HECW1: variants seen among roughly 807,000 people sequenced by gnomAD.
HECW1 encodes HECT, C2 and WW domain containing E3 ubiquitin protein ligase 1.
HECW1 carries 61 observed loss-of-function variants against 182.3 expected under a neutral mutation model. The ratio of observed to expected loss-of-function variants is 0.33; its 90% CI spans 0.27 to 0.41. The LOEUF is 0.41. Among genes scored for constraint, HECW1 ranks in the 10% least tolerant of loss-of-function variants. HECW1 has a pLI of 1.00. For missense variants in HECW1, 1,739 were observed against 2,108.9 expected (o/e 0.82, Z 3.44); for synonymous variants, 859 against 832.6 (o/e 1.03, Z -0.55).
chr7:43,431,195 T>C (rs777395463), intron 8 of HECW1, among the ~76,000 whole-genome samples: 8 of 152,230 alleles, frequency 5.3e-5, no homozygotes, highest in Middle Eastern at 3.2e-3. Context: ...ACATTCACCA[T>C]GAGCCATCTA....
chr7:43,302,849 A>C (rs552904498), intron 3 of HECW1, among the ~76,000 whole-genome samples: 1 of 152,314 alleles, frequency 6.6e-6, no homozygotes, highest in African/African-American at 2.4e-5. Flanking sequence ...AACATTGAGA[A>C]GGGAAAAATG....
intron 3 of HECW1, among the ~76,000 whole-genome samples, chr7:43,276,075 C>G (rs1803105101): frequency 6.6e-6 from 1 of 152,210 alleles, no homozygotes; most frequent in African/African-American, 2.4e-5. Context: ...TGGCTCTGCT[C>G]TGGTTCCTGT....
intron 3 of HECW1, among the ~76,000 whole-genome samples, chr7:43,274,991 G>A (rs867963794): frequency 6.6e-6 from 1 of 152,310 alleles, no homozygotes; most frequent in African/African-American, 2.4e-5. Flanking sequence ...GTGTCCAGGG[G>A]TCTCTACGTG....
chr7:43,245,879 C>T (rs1335767558), intron 3 of HECW1: 1 of 152,196 alleles, frequency 6.6e-6, no homozygotes, highest in Non-Finnish European at 1.5e-5. Context: ...GCACCTTACT[C>T]AGTAAAGGGA....
chr7:43,205,022 A>G (rs1795333197), intron 2 of HECW1, among the ~76,000 whole-genome samples: 1 of 152,206 alleles, frequency 6.6e-6, no homozygotes, highest in African/African-American at 2.4e-5. Flanking sequence ...CAAGCTTTCT[A>G]AAGTAAATGC....
At chr7:43,484,898 T>G (rs1223296471) in intron 17 of HECW1, among the ~76,000 whole-genome samples, 2 of 152,180 alleles carry the variant, frequency 1.3e-5, no homozygotes, top group Non-Finnish European at 2.9e-5. Context: ...AGGTCACAGA[T>G]AAGTGGAGTG....
At chr7:43,435,853 T>C (rs890559489) in intron 8 of HECW1, among the ~76,000 whole-genome samples, 4 of 152,112 alleles carry the variant, frequency 2.6e-5, no homozygotes, top group African/African-American at 9.7e-5. Flanking sequence ...TCTCTGTAAA[T>C]AGAAATCAAC....
chr7:43,142,599 C>T (rs1464349213), intron 2 of HECW1, among the ~76,000 whole-genome samples: 1 of 152,170 alleles, frequency 6.6e-6, no homozygotes, highest in African/African-American at 2.4e-5. Flanking sequence ...CATCTCTTTG[C>T]CCACAGGCCT....
At chr7:43,229,807 C>G (rs1221642046) in intron 2 of HECW1, among the ~76,000 whole-genome samples, 1 of 152,204 alleles carries the variant, frequency 6.6e-6, no homozygotes, top group Non-Finnish European at 1.5e-5. Context: ...AAAATAGTGA[C>G]TTTACAGTGG....
chr7:43,359,337 T>C (rs1815574004), intron 5 of HECW1, among the ~76,000 whole-genome samples: 1 of 152,168 alleles, frequency 6.6e-6, no homozygotes, highest in Admixed American at 6.5e-5. Flanking sequence ...GAGATTCTGT[T>C]ATTAAGGAGG....
intron 2 of HECW1, among the ~76,000 whole-genome samples, chr7:43,197,866 G>T (rs1001674472): frequency 3.9e-5 from 6 of 152,008 alleles, no homozygotes; most frequent in African/African-American, 1.5e-4. Context: ...CCCAGCACAG[G>T]GTTCCCAGTG....
At chr7:43,133,858 G>C (rs892764541) in intron 2 of HECW1, among the ~76,000 whole-genome samples, 1 of 151,460 alleles carries the variant, frequency 6.6e-6, no homozygotes, top group African/African-American at 2.4e-5. Flanking sequence ...ATGCTGTTTT[G>C]GATGAAAACT....
At chr7:43,333,128 A>T (rs1371960346) in intron 5 of HECW1, among the ~76,000 whole-genome samples, 1 of 152,182 alleles carries the variant, frequency 6.6e-6, no homozygotes, top group Non-Finnish European at 1.5e-5. Flanking sequence ...TAGAACTTTG[A>T]AGTAGGAGTC....
chr7:43,334,689 A>G (rs1050391140), intron 5 of HECW1, among the ~76,000 whole-genome samples: 3 of 152,234 alleles, frequency 2.0e-5, no homozygotes, highest in Non-Finnish European at 2.9e-5. Flanking sequence ...TTTTATTGTC[A>G]TTAGAATGAA....
At chr7:43,437,964 C>A in intron 8 of HECW1, 39 bp from the exon 9 acceptor site, 1 of 1,608,044 alleles carries the variant, frequency 6.2e-7, no homozygotes, top group Non-Finnish European at 8.5e-7. Flanking sequence ...AGCCCTCCAA[C>A]CTCTCAGTTA....
chr7:43,173,846 AT>A (rs34302457), intron 2 of HECW1, among the ~76,000 whole-genome samples: 45,820 of 145,066 alleles, frequency 0.32, 7,052 homozygotes, highest in East Asian at 0.45. Flanking sequence ...GTTTTAAATG[AT>A]TTTTTTTTTT....
chr7:43,132,171 C>A (rs1169452435), intron 2 of HECW1, among the ~76,000 whole-genome samples: 1 of 151,762 alleles, frequency 6.6e-6, no homozygotes, highest in Non-Finnish European at 1.5e-5. Context: ...ACAGCGCCCC[C>A]CCGCCCCAAG....
At chr7:43,242,953 T>C (rs1799028474) in intron 2 of HECW1, among the ~76,000 whole-genome samples, 1 of 152,174 alleles carries the variant, frequency 6.6e-6, no homozygotes, top group Non-Finnish European at 1.5e-5. Flanking sequence ...CAGATCTGCT[T>C]GGACCAGGGT....
chr7:43,366,893 C>A (rs1816719436), intron 6 of HECW1, among the ~76,000 whole-genome samples: 1 of 152,150 alleles, frequency 6.6e-6, no homozygotes, highest in African/African-American at 2.4e-5. Flanking sequence ...CCCCTGAGAT[C>A]CCGGGAGAGC....
Sources: allele counts gnomAD v4.1 joint callset (sites outside exome capture counted in the v4.1 genomes callset), GRCh38; gene constraint gnomAD v4.1.1; transcripts MANE v1.5; gene names NCBI Gene and HGNC (gene_info 2026-07-23, HGNC 2026-07-21).